Variants in CDH12 observed in about 807,000 individuals in gnomAD.
CDH12 encodes the protein cadherin 12, also known as cadherin-12.
Under a neutral mutation model 74.1 loss-of-function variants are expected in CDH12, and 41 were observed. That is an observed-to-expected ratio of 0.55 (90% confidence interval 0.43 to 0.72). The LOEUF (loss-of-function observed/expected upper bound fraction) is 0.72. Ranked by LOEUF, CDH12 falls within the 30% of genes least tolerant of loss-of-function variation. The probability of loss-of-function intolerance (pLI) is 0.00; values close to 1 mark genes in which losing one functional copy is unlikely to be tolerated. For missense variants in CDH12, 945 were observed against 977.2 expected (o/e 0.97, Z 0.44); for synonymous variants, 399 against 355.0 (o/e 1.12, Z -1.39).
intron 5 of CDH12, among the ~76,000 whole-genome samples, chr5:22,065,311 C>T (rs1253555084): frequency 6.6e-6 from 1 of 152,072 alleles, no homozygotes; most frequent in Non-Finnish European, 1.5e-5. Context: ...CTGGGGAGTA[C>T]ATGTGGGAAT....
At chr5:22,767,886 C>T (rs1175363624) in intron 1 of CDH12, among the ~76,000 whole-genome samples, 3 of 151,886 alleles carry the variant, frequency 2.0e-5, no homozygotes, top group Non-Finnish European at 4.4e-5. Flanking sequence ...GGCAGCATTT[C>T]ATTTTGATCT....
intron 4 of CDH12, among the ~76,000 whole-genome samples, chr5:22,140,901 A>T (rs1193094396): frequency 6.6e-6 from 1 of 152,138 alleles, no homozygotes; most frequent in Non-Finnish European, 1.5e-5. Context: ...TCCTCCTCAC[A>T]TTTCAGGTCC....
At chr5:22,825,765 A>G (rs1736287477) in intron 1 of CDH12, among the ~76,000 whole-genome samples, 1 of 152,164 alleles carries the variant, frequency 6.6e-6, no homozygotes, top group Non-Finnish European at 1.5e-5. Flanking sequence ...TTGTGTAGTG[A>G]TATGACCCAA....
intron 1 of CDH12, among the ~76,000 whole-genome samples, chr5:22,692,259 G>A (rs269010): frequency 0.085 from 13,002 of 152,090 alleles, 1,203 homozygotes; most frequent in African/African-American, 0.23. Context: ...GGTGGTGTCC[G>A]GGCTTCTCAT....
chr5:22,540,520 C>T (rs547208935), intron 1 of CDH12, among the ~76,000 whole-genome samples: 9 of 151,998 alleles, frequency 5.9e-5, no homozygotes, highest in African/African-American at 1.9e-4. Flanking sequence ...ATTTTTAATA[C>T]CAAAATCATC....
At chr5:22,239,005 T>C (rs1752655098) in intron 3 of CDH12, among the ~76,000 whole-genome samples, 1 of 152,190 alleles carries the variant, frequency 6.6e-6, no homozygotes. Flanking sequence ...AGAGTATCAT[T>C]CAGTGAAATG....
At chr5:22,365,301 T>C (rs1424666422) in intron 3 of CDH12, among the ~76,000 whole-genome samples, 1 of 152,204 alleles carries the variant, frequency 6.6e-6, no homozygotes, top group Non-Finnish European at 1.5e-5. Flanking sequence ...TGGGTGTAGT[T>C]AATAAATGCT....
Position 21,783,459 on chromosome 5 carries a change from T to C in CDH12, c.1292A>G (p.Tyr431Cys). The C allele has an allele frequency of 6.2e-7, 1 of 1,607,186 alleles. No homozygotes were observed. Among genetic ancestry groups the C allele is most frequent in the Non-Finnish European group, 8.5e-7 (1 of 1,173,724 alleles). ...FIDWKSDGDS[Y>C]FTIDGNEGTI... The stretch of plus-strand genomic sequence containing the variant: ...TCCTTCATTTCCATCTATTGTAAAG[T>C]AGCTGTCCCCATCACTCTTCCAATC... The change falls in exon 11 of 15, where the codon TAC becomes TGC. Residue 431 changes from tyrosine (Y) to cysteine (C), a missense_variant. Transcript: ENST00000382254.
At chr5:22,411,543 A>C (rs1743170455) in intron 2 of CDH12, among the ~76,000 whole-genome samples, 2 of 152,068 alleles carry the variant, frequency 1.3e-5, no homozygotes, top group Non-Finnish European at 1.5e-5. Flanking sequence ...CGAGCTCAAA[A>C]GATTAAAGCT....
intron 2 of CDH12, among the ~76,000 whole-genome samples, chr5:22,427,424 C>T (rs1233489613): frequency 6.6e-6 from 1 of 152,064 alleles, no homozygotes; most frequent in Non-Finnish European, 1.5e-5. Context: ...CCACAGCCTC[C>T]CAAATTGCTG....
At chr5:22,164,213 G>T (rs1748532824) in intron 4 of CDH12, among the ~76,000 whole-genome samples, 1 of 152,156 alleles carries the variant, frequency 6.6e-6, no homozygotes, top group Non-Finnish European at 1.5e-5. Flanking sequence ...TCTGACTTGG[G>T]GTTCTTGGCC....
intron 6 of CDH12, among the ~76,000 whole-genome samples, chr5:21,965,115 T>C (rs1756523076): frequency 3.3e-5 from 5 of 152,074 alleles, no homozygotes. Flanking sequence ...GAAAAATACA[T>C]TATTTCATAA....
chr5:22,405,167 G>A (rs1561378468), intron 3 of CDH12, 90 bp downstream of exon 3: 3 of 222,946 alleles, frequency 1.3e-5, no homozygotes, highest in South Asian at 1.6e-4. Flanking sequence ...CCGAGATGGT[G>A]CCACTTCACT....
At chr5:22,311,464 G>T (rs547349831) in intron 3 of CDH12, among the ~76,000 whole-genome samples, 1 of 151,926 alleles carries the variant, frequency 6.6e-6, no homozygotes, top group Non-Finnish European at 1.5e-5. Flanking sequence ...CACCACTTTC[G>T]GAGGCCTAGG....
chr5:22,187,828 G>C (rs974551637), intron 4 of CDH12, among the ~76,000 whole-genome samples: 3 of 152,172 alleles, frequency 2.0e-5, no homozygotes, highest in African/African-American at 7.2e-5. Context: ...GTTGCTTAAA[G>C]TATACACGCG....
At chr5:22,771,834 G>A (rs1294763108) in intron 1 of CDH12, among the ~76,000 whole-genome samples, 1 of 152,006 alleles carries the variant, frequency 6.6e-6, no homozygotes, top group Non-Finnish European at 1.5e-5. Flanking sequence ...GCTGCCTGCT[G>A]GACTACTCTG....
chr5:22,273,080 G>A (rs1339719818), intron 3 of CDH12, among the ~76,000 whole-genome samples: 1 of 152,020 alleles, frequency 6.6e-6, no homozygotes, highest in Non-Finnish European at 1.5e-5. Context: ...CATCTCCCAC[G>A]AGGTCCCTCC....
intron 6 of CDH12, among the ~76,000 whole-genome samples, chr5:21,919,276 T>C (rs1039624461): frequency 2.0e-5 from 3 of 152,208 alleles, no homozygotes; most frequent in African/African-American, 7.2e-5. Flanking sequence ...TCTCTCTTGT[T>C]ATTGCTTATG....
At chr5:21,802,509 T>C (rs901012376) in intron 9 of CDH12, 89 bp from the exon 10 acceptor site, 53 of 1,062,548 alleles carry the variant, frequency 5.0e-5, no homozygotes, top group Non-Finnish European at 7.2e-5. Context: ...ATTTGCAAGT[T>C]ATTATCAATT....
Sources: allele counts gnomAD v4.1 joint callset (sites outside exome capture counted in the v4.1 genomes callset), GRCh38; gene constraint gnomAD v4.1.1; transcripts MANE v1.5; gene names NCBI Gene and HGNC (gene_info 2026-07-23, HGNC 2026-07-21).